Variants in AUTS2 observed in about 807,000 individuals in gnomAD.
AUTS2 encodes the protein autism susceptibility gene 2 protein.
AUTS2 carries 17 observed loss-of-function variants against 112.4 expected under a neutral mutation model. The observed-to-expected ratio is 0.15, with a 90% CI of 0.10 to 0.23. The LOEUF is 0.23. Among genes scored for constraint, AUTS2 ranks in the 10% least tolerant of loss-of-function variants. The pLI is 1.00. For missense variants in AUTS2, 1,510 were observed against 1,701.6 expected (o/e 0.89, Z 1.98); for synonymous variants, 751 against 702.7 (o/e 1.07, Z -1.09).
At chr7:70,710,756 T>C (rs1285202793) in intron 6 of AUTS2, among the ~76,000 whole-genome samples, 3 of 152,298 alleles carry the variant, frequency 2.0e-5, no homozygotes, top group African/African-American at 4.8e-5. Context: ...CTTTCTGAGA[T>C]TGAGAACTGG....
chr7:69,746,014 C>T (rs1437829162), intron 1 of AUTS2, among the ~76,000 whole-genome samples: 1 of 152,042 alleles, frequency 6.6e-6, no homozygotes, highest in East Asian at 1.9e-4. Context: ...GCTGAAACTA[C>T]AGGCGTGCCT....
chr7:69,698,263 C>T (rs769318269), intron 1 of AUTS2, among the ~76,000 whole-genome samples: 84 of 152,114 alleles, frequency 5.5e-4, no homozygotes, highest in Non-Finnish European at 6.8e-4. Context: ...TTGTGAAAAC[C>T]GGTAGACAGG....
chr7:69,964,796 G>C (rs966281663), intron 2 of AUTS2, among the ~76,000 whole-genome samples: 8 of 151,532 alleles, frequency 5.3e-5, no homozygotes, highest in African/African-American at 1.9e-4. Context: ...ATGTCTCTAA[G>C]TACAGTTGGT....
At chr7:69,820,785 T>C (rs1022691991) in intron 1 of AUTS2, among the ~76,000 whole-genome samples, 9 of 151,568 alleles carry the variant, frequency 5.9e-5, no homozygotes, top group African/African-American at 2.2e-4. Context: ...ATAGGGAGGG[T>C]TCTGTTCCTT....
intron 4 of AUTS2, among the ~76,000 whole-genome samples, chr7:70,398,204 T>C (rs1794171295): frequency 6.6e-6 from 1 of 152,250 alleles, no homozygotes; most frequent in Non-Finnish European, 1.5e-5. Flanking sequence ...TACAGCTTTA[T>C]GATATGCTTG....
At chr7:69,806,133 C>T (rs1381830076) in intron 1 of AUTS2, among the ~76,000 whole-genome samples, 3 of 142,134 alleles carry the variant, frequency 2.1e-5, no homozygotes, top group Non-Finnish European at 3.0e-5. Flanking sequence ...TGGTCTCAAG[C>T]GGTCTTCCTA....
At chr7:70,454,233 A>G (rs1356565586) in intron 5 of AUTS2, among the ~76,000 whole-genome samples, 2 of 152,130 alleles carry the variant, frequency 1.3e-5, no homozygotes, top group Non-Finnish European at 2.9e-5. Context: ...TTTTAACGCT[A>G]TTAAAAATCT....
chr7:69,613,458 T>C (rs994457868), intron 1 of AUTS2, among the ~76,000 whole-genome samples: 67 of 152,324 alleles, frequency 4.4e-4, no homozygotes, highest in African/African-American at 1.5e-3. Flanking sequence ...ATCTGACCTT[T>C]TCCCGGGTTA....
chr7:69,711,080 A>C (rs958440836), intron 1 of AUTS2, among the ~76,000 whole-genome samples: 1 of 152,200 alleles, frequency 6.6e-6, no homozygotes, highest in Non-Finnish European at 1.5e-5. Flanking sequence ...CCATGGGACA[A>C]ATGCGTCACT....
In AUTS2 at chr7:70,659,652, T is replaced by C. The variant is rs117808643; in HGVS notation, c.691-38917T>C. 7.7e-3 allele frequency among the ~76,000 whole-genome samples: 1,166 copies of C among 152,316 alleles called. 4 individuals are homozygous for C. Among genetic ancestry groups the C allele is most frequent in the South Asian group, 0.022 (108 of 4,822 alleles). Reference sequence around the variant, plus strand: ...ATGGACCAGACACTGTTGTGGGACCTGGAACTGTTATGGCTGGGAAAAAAA... The same window carrying C: ...ATGGACCAGACACTGTTGTGGGACCCGGAACTGTTATGGCTGGGAAAAAAA... On this transcript the variant is annotated intron_variant, in intron 5 of 18. Transcript: ENST00000342771.
At chr7:70,593,483 T>TA (rs1240478988) in intron 5 of AUTS2, among the ~76,000 whole-genome samples, 3 of 152,220 alleles carry the variant, frequency 2.0e-5, no homozygotes, top group East Asian at 3.9e-4. Context: ...CTTAGTCACA[T>TA]ACACCTTGGA....
chr7:70,435,757 C>T lies in AUTS2; in HGVS notation c.666C>T (p.Asp222=), dbSNP rs1795867161. ...TCTCTTGTCTTCATTTTCAGTGTGA[C>T]AGTGACAGTGACCAGGAAGAGAAGG... The part of the protein sequence containing the change: ...PSSLGTGYFC[D]SDSDQEEKAS... Residue 222 remains aspartate (D), a synonymous_variant, in exon 5 of 19, where the codon GAC becomes GAT. Coordinates refer to ENST00000342771, the MANE Select transcript of AUTS2 (RefSeq NM_015570.4). The T allele has an allele frequency of 6.2e-7, 1 of 1,613,980 alleles. No homozygotes were observed. Among genetic ancestry groups the T allele is most frequent in the African/African-American group, 1.3e-5 (1 of 75,004 alleles).
intron 5 of AUTS2, among the ~76,000 whole-genome samples, chr7:70,645,737 G>T (rs143523220): frequency 1.4e-4 from 22 of 152,230 alleles, no homozygotes; most frequent in Non-Finnish European, 2.9e-4. Flanking sequence ...TTTAATTAAC[G>T]GTTATTAGTG....
At chr7:70,388,067 TC>T (rs1454324444) in intron 4 of AUTS2, among the ~76,000 whole-genome samples, 1 of 152,226 alleles carries the variant, frequency 6.6e-6, no homozygotes, top group African/African-American at 2.4e-5. Flanking sequence ...CCACAATTTC[TC>T]ATTTACAGGA....
At chr7:70,785,073 G>GTGTT in intron 16 of AUTS2, 54 bp downstream of exon 16, 1 of 1,580,990 alleles carries the variant, frequency 6.3e-7, no homozygotes, top group Non-Finnish European at 8.7e-7. Context: ...CAACCCTGCT[G>GTGTT]TGTTTACCAT....
At chr7:69,863,820 G>T (rs1402463682) in intron 1 of AUTS2, among the ~76,000 whole-genome samples, 2 of 152,172 alleles carry the variant, frequency 1.3e-5, no homozygotes, top group East Asian at 3.9e-4. Context: ...CTGAAATGAA[G>T]CCCAGGGAGA....
chr7:70,636,617 G>A (rs1386377610), intron 5 of AUTS2, among the ~76,000 whole-genome samples: 1 of 151,282 alleles, frequency 6.6e-6, no homozygotes, highest in Non-Finnish European at 1.5e-5. Context: ...ATTTTGTGAG[G>A]ATTAAGTTAA....
At chr7:69,673,172 G>A (rs1226845125) in intron 1 of AUTS2, among the ~76,000 whole-genome samples, 2 of 152,160 alleles carry the variant, frequency 1.3e-5, no homozygotes, top group Non-Finnish European at 1.5e-5. Context: ...AAAGGACTGT[G>A]TGTTTTTAGA....
chr7:70,483,674 C>A (rs2116251463), intron 5 of AUTS2, among the ~76,000 whole-genome samples: 1 of 152,204 alleles, frequency 6.6e-6, no homozygotes, highest in South Asian at 2.1e-4. Flanking sequence ...TATTATTTTA[C>A]AGTTGTAGGA....
Sources: gnomAD v4.1 joint callset for allele counts (sites outside exome capture counted in the v4.1 genomes callset) on GRCh38, gnomAD v4.1.1 for gene constraint, MANE v1.5 for transcripts, NCBI Gene and HGNC (gene_info 2026-07-23, HGNC 2026-07-21) for gene names.